The following RRAS2 variants were observed in gnomAD, a reference collection of about 807,000 sequenced individuals.
The protein encoded by RRAS2 is ras-related protein R-Ras2.
In RRAS2, 7 loss-of-function variants were observed where a neutral mutation model predicts 27.6. The ratio of observed to expected loss-of-function variants is 0.25; its 90% confidence interval spans 0.14 to 0.48. RRAS2 has a LOEUF of 0.48. Ranked by LOEUF, RRAS2 falls within the 20% of genes least tolerant of loss-of-function variation. The pLI, the probability that RRAS2 is intolerant of heterozygous loss-of-function variation, is 0.99. For synonymous variants in RRAS2, 86 were observed against 90.9 expected (o/e 0.95, Z 0.31); for missense variants, 178 against 256.2 (o/e 0.69, Z 2.08).
At position 14,279,345 on chromosome 11, in the gene RRAS2, T is replaced by C. The variant is rs1849456401; in HGVS notation, c.607A>G (p.Ile203Val). ...CTAAAACTGAAGGGATTCTAGAAAATGACACAATGGCAGCCTTTCTTGTCT... is the reference window on the plus strand; with the variant it reads ...CTAAAACTGAAGGGATTCTAGAAAACGACACAATGGCAGCCTTTCTTGTCT... ...EKDKKGCHCV[I>V]F Residue 203 changes from isoleucine (I) to valine (V), a missense_variant, in exon 6 of 6, where the codon ATT becomes GTT. Ile to Val is a conservative substitution (Grantham distance 29). Coordinates refer to ENST00000256196, the MANE Select transcript of RRAS2 (RefSeq NM_012250.6). 1.9e-6 allele frequency: 3 copies of C among 1,607,090 alleles called. No individual in the cohort carries two copies. The highest frequency in any genetic ancestry group is 1.3e-5 in the African/African-American group (1 of 74,908).
intron 1 of RRAS2, among the ~76,000 whole-genome samples, chr11:14,349,183 T>C (rs1432025489): frequency 2.0e-5 from 3 of 148,902 alleles, no homozygotes; most frequent in Non-Finnish European, 4.5e-5. Context: ...GACAGAGTCT[T>C]GCTCTGTCAC....
At chr11:14,307,426 G>C (rs147918188) in intron 1 of RRAS2, among the ~76,000 whole-genome samples, 1 of 151,886 alleles carries the variant, frequency 6.6e-6, no homozygotes, top group Non-Finnish European at 1.5e-5. Context: ...TCATTTTGTC[G>C]CCCAGGCTGG....
chr11:14,355,321 GT>G (rs1849049904), intron 1 of RRAS2, among the ~76,000 whole-genome samples: 2 of 152,130 alleles, frequency 1.3e-5, no homozygotes, highest in Admixed American at 6.5e-5. Context: ...ACACCCAGCA[GT>G]CTCTCCTAAC....
intron 1 of RRAS2, among the ~76,000 whole-genome samples, chr11:14,308,831 G>C (rs1847890040): frequency 6.6e-6 from 1 of 152,148 alleles, no homozygotes; most frequent in African/African-American, 2.4e-5. Flanking sequence ...GAAGTAAAGA[G>C]CATGTATTTT....
intron 1 of RRAS2, chr11:14,354,489 C>G (rs905274604): frequency 9.9e-5 from 15 of 152,088 alleles, no homozygotes; most frequent in African/African-American, 3.1e-4. Context: ...ACATTCATCA[C>G]CTGAATACCA....
Position 14,339,046 on chromosome 11 carries a change from G to T in RRAS2, c.108+19717C>A, listed in dbSNP as rs531976157. On this transcript the variant is annotated intron_variant, in intron 1 of 5. Transcript: ENST00000256196. ...ATTTATCTGACCTTCTAGAAATCAGGAGAATGAGAGATGACAGCCAAATAC... is the reference window on the plus strand; with the variant it reads ...ATTTATCTGACCTTCTAGAAATCAGTAGAATGAGAGATGACAGCCAAATAC... Among the ~76,000 whole-genome samples the T allele has an allele frequency of 1.2e-4, 19 of 152,192 alleles. No homozygotes were observed. In the South Asian group the frequency reaches 3.9e-3, roughly 32 times the overall value.
upstream of RRAS2, among the ~76,000 whole-genome samples, chr11:14,360,086 G>C (rs186809847): frequency 3.0e-3 from 460 of 152,130 alleles, 1 homozygote; most frequent in African/African-American, 9.0e-3. Context: ...TTCTCACTCC[G>C]GGAGGAACAA....
In RRAS2 at chr11:14,283,502, T is replaced by C. The variant is rs78753425; in HGVS notation, c.409-1782A>G. Among the ~76,000 whole-genome samples the C allele has an allele frequency of 3.9e-3, 589 of 152,314 alleles. 2 individuals are homozygous for C. The highest frequency in any genetic ancestry group is 6.5e-3 in the Non-Finnish European group (441 of 68,034). On this transcript the variant is annotated intron_variant, in intron 4 of 5. Transcript: ENST00000256196. ...ATCAGTAGTATTTCTTCCTTAAATG[T>C]GTGGTATAATTCACCGGCAAATCTA...
intron 5 of RRAS2, among the ~76,000 whole-genome samples, chr11:14,280,875 T>C (rs1849514657): frequency 6.6e-6 from 1 of 151,014 alleles, no homozygotes; most frequent in South Asian, 2.1e-4. Flanking sequence ...CAAATCCTAC[T>C]CACTAAAGCA....
intron 4 of RRAS2, among the ~76,000 whole-genome samples, chr11:14,283,971 T>G (rs1307515772): frequency 2.6e-5 from 4 of 152,200 alleles, no homozygotes; most frequent in African/African-American, 9.7e-5. Context: ...AGTGTTGGCA[T>G]TACAGGCATA....
chr11:14,334,304 T>C (rs1278405905), intron 1 of RRAS2, among the ~76,000 whole-genome samples: 2 of 152,294 alleles, frequency 1.3e-5, no homozygotes, highest in East Asian at 3.9e-4. Context: ...TTTTTCCTAT[T>C]CAGTGAGGGC....
At chr11:14,357,974 C>G (rs1220838743) in intron 1 of RRAS2, among the ~76,000 whole-genome samples, 1 of 152,120 alleles carries the variant, frequency 6.6e-6, no homozygotes, top group Non-Finnish European at 1.5e-5. Context: ...CCGTCTCTAG[C>G]AACCAGAGAG....
intron 1 of RRAS2, among the ~76,000 whole-genome samples, chr11:14,319,378 G>A (rs1554949965): frequency 7.6e-6 from 1 of 130,778 alleles, no homozygotes; most frequent in African/African-American, 3.0e-5. Flanking sequence ...TTGAGACGGA[G>A]TCTCGCTCTG....
chr11:14,335,722 C>T (rs1554952471), intron 1 of RRAS2, among the ~76,000 whole-genome samples: 2 of 152,160 alleles, frequency 1.3e-5, no homozygotes, highest in African/African-American at 4.8e-5. Context: ...TAGACCAACA[C>T]TTTGGAATCC....
intron 1 of RRAS2, among the ~76,000 whole-genome samples, chr11:14,314,450 G>A (rs1848048136): frequency 6.6e-6 from 1 of 152,074 alleles, no homozygotes; most frequent in African/African-American, 2.4e-5. Flanking sequence ...AATAAGAAGT[G>A]CAGAAAAGCA....
At chr11:14,331,478 G>A (rs1054942762) in intron 1 of RRAS2, among the ~76,000 whole-genome samples, 29 of 151,858 alleles carry the variant, frequency 1.9e-4, no homozygotes, top group African/African-American at 5.3e-4. Context: ...CATTGTACAC[G>A]ATGTAGAAAA....
chr11:14,353,729 G>A (rs550993471), intron 1 of RRAS2, among the ~76,000 whole-genome samples: 4 of 152,134 alleles, frequency 2.6e-5, no homozygotes, highest in East Asian at 1.9e-4. Context: ...AGAATAAGAC[G>A]TAAGTTAAGA....
chr11:14,302,427 C>T (rs1847739651), intron 1 of RRAS2, among the ~76,000 whole-genome samples: 1 of 152,116 alleles, frequency 6.6e-6, no homozygotes, highest in African/African-American at 2.4e-5. Flanking sequence ...GCTCTGGAGT[C>T]GGAGAGCCTG....
upstream of RRAS2, among the ~76,000 whole-genome samples, chr11:14,364,019 G>A (rs868967570): frequency 2.0e-5 from 3 of 152,156 alleles, no homozygotes; most frequent in Non-Finnish European, 4.4e-5. Context: ...GCAGTGAGCC[G>A]AAATCACACC....
Sources: gnomAD v4.1 joint callset for allele counts (sites outside exome capture counted in the v4.1 genomes callset) on GRCh38, gnomAD v4.1.1 for gene constraint, MANE v1.5 for transcripts, NCBI Gene and HGNC (gene_info 2026-07-23, HGNC 2026-07-21) for gene names.